DUSP22: variants seen among roughly 807,000 people sequenced by gnomAD.
The protein encoded by DUSP22 is dual specificity protein phosphatase 22.
A neutral mutation model predicts 24.5 loss-of-function variants in DUSP22; 24 were observed. The observed-to-expected ratio is 0.98, with a 90% CI of 0.71 to 1.38. The LOEUF is 1.38. Among genes scored for constraint, DUSP22 ranks in the 40% most tolerant of loss-of-function variants. The pLI, the probability that DUSP22 is intolerant of heterozygous loss-of-function variation, is 0.00. For synonymous variants in DUSP22, 160 were observed against 106.4 expected (o/e 1.50, Z -3.10); for missense variants, 330 against 269.2 (o/e 1.23, Z -1.58).
At position 350,875 on chromosome 6, in the gene DUSP22, T is replaced by A; in HGVS notation, c.*1924T>A. On this transcript the variant is annotated 3_prime_UTR_variant, in exon 7 of 7. Transcript: ENST00000419235. ...CTTTCTCAGAAGACTGTAATGTACC[T>A]GAAGTTTCTGAAATATTGCAAACCC... 1 of 1,614,212 alleles carries A rather than the reference T, an allele frequency of 6.2e-7. No homozygotes were observed. Among genetic ancestry groups the A allele is most frequent in the Non-Finnish European group, 8.5e-7 (1 of 1,179,990 alleles).
intron 3 of DUSP22, 144 bp downstream of exon 3, chr6:312,106 G>A (rs554620571): frequency 2.1e-3 from 1,997 of 930,806 alleles, no homozygotes; most frequent in Admixed American, 2.5e-3. Context: ...TGTTCAGGCC[G>A]TGTTGATGTT....
chr6:323,972 C>T (rs1375625189), intron 3 of DUSP22, among the ~76,000 whole-genome samples: 1 of 152,304 alleles, frequency 6.6e-6, no homozygotes, highest in Admixed American at 6.5e-5. Context: ...TATGGAATGG[C>T]TCCACCCTAT....
At chr6:308,060 G>A (rs1757898789) in intron 2 of DUSP22, among the ~76,000 whole-genome samples, 1 of 151,788 alleles carries the variant, frequency 6.6e-6, no homozygotes, top group Admixed American at 6.5e-5. Flanking sequence ...CTGGCACCGG[G>A]CCAAAGGTCA....
intron 1 of DUSP22, among the ~76,000 whole-genome samples, chr6:295,854 A>G (rs1451017201): frequency 2.0e-5 from 3 of 151,544 alleles, no homozygotes; most frequent in Non-Finnish European, 4.4e-5. Context: ...ATTTTTTTTA[A>G]CACTTTATAA....
rs575945615 is a variant in DUSP22, at chr6:343,547, T to G, written c.189-2307T>G. Among the ~76,000 whole-genome samples, 98 of 152,282 alleles carry G rather than the reference T, an allele frequency of 6.4e-4. No individual in the cohort carries two copies. The South Asian group carries it at 0.016, about 26-fold the overall frequency. The stretch of plus-strand genomic sequence containing the variant: ...TGGGGGCAGTTATCCCTGGGAAAGT[T>G]AACAAAAGCAGATGTGCTAGTTAGA... On this transcript the variant is annotated intron_variant, in intron 4 of 6. Coordinates refer to ENST00000419235, the MANE Select transcript of DUSP22 (RefSeq NM_001286555.3).
At chr6:297,846 C>T (rs554839599) in intron 1 of DUSP22, among the ~76,000 whole-genome samples, 2 of 152,422 alleles carry the variant, frequency 1.3e-5, no homozygotes, top group Admixed American at 1.3e-4. Flanking sequence ...TTTTTTCCAC[C>T]TGGCAGCAGG....
intron 3 of DUSP22, among the ~76,000 whole-genome samples, chr6:320,533 A>G (rs1011786904): frequency 6.6e-6 from 1 of 152,310 alleles, no homozygotes; most frequent in Non-Finnish European, 1.5e-5. Flanking sequence ...TGTAGTGTGC[A>G]TAGACACCAC....
At position 351,085 on chromosome 6, in the gene DUSP22, C is replaced by G; in HGVS notation, c.*2134C>G. ...CTTATCCCCACTGCTGTGGAGGTTTCTGTACCTCGCTTGGATGCCTGTAAG... is the reference window on the plus strand; with the variant it reads ...CTTATCCCCACTGCTGTGGAGGTTTGTGTACCTCGCTTGGATGCCTGTAAG... On this transcript the variant is annotated 3_prime_UTR_variant, in exon 7 of 7. Transcript: ENST00000419235. 1.4e-6 allele frequency: 1 copy of G among 731,590 alleles called. No homozygotes were observed. The highest frequency in any genetic ancestry group is 1.9e-5 in the South Asian group (1 of 51,614). 45.3% of individuals were successfully genotyped at this position (731,590 alleles called of 1,614,324 possible). A position where few individuals can be genotyped will look rare whatever the true frequency, so the allele number is the denominator to read the frequency against.
chr6:320,122 T>G (rs906975401), intron 3 of DUSP22: 2 of 152,638 alleles, frequency 1.3e-5, no homozygotes, highest in Admixed American at 6.5e-5. Context: ...AGTACTTAAC[T>G]GAGTCTAGGG....
At chr6:293,965 G>A (rs187262783) in intron 1 of DUSP22, among the ~76,000 whole-genome samples, 208 of 152,362 alleles carry the variant, frequency 1.4e-3, no homozygotes, top group Non-Finnish European at 2.3e-3. Flanking sequence ...TCATAAGTCT[G>A]TGGGCTCCGT....
chr6:299,537 A>G (rs965666527), intron 1 of DUSP22, among the ~76,000 whole-genome samples: 2 of 152,300 alleles, frequency 1.3e-5, no homozygotes, highest in African/African-American at 4.8e-5. Flanking sequence ...ATGGAAGAGA[A>G]TCATACTGTG....
At chr6:331,823 G>T (rs1415015258) in intron 3 of DUSP22, among the ~76,000 whole-genome samples, 1 of 152,304 alleles carries the variant, frequency 6.6e-6, no homozygotes, top group Non-Finnish European at 1.5e-5. Context: ...GTGGCGAGCA[G>T]CTGAACCTTT....
intron 4 of DUSP22, among the ~76,000 whole-genome samples, chr6:341,350 G>A (rs554693840): frequency 9.2e-5 from 14 of 152,420 alleles, no homozygotes; most frequent in Non-Finnish European, 1.3e-4. Context: ...CTTCAGACTC[G>A]CACTTCTGCT....
At position 350,481 on chromosome 6, in the gene DUSP22, A is replaced by C. The variant is rs1760143954; in HGVS notation, c.*1530A>C. The C allele has an allele frequency of 8.4e-7, 1 of 1,190,482 alleles. No homozygotes were observed. Among genetic ancestry groups the C allele is most frequent in the Non-Finnish European group, 1.0e-6 (1 of 956,814 alleles). 73.7% of individuals were successfully genotyped at this position (1,190,482 alleles called of 1,614,324 possible). On this transcript the variant is annotated 3_prime_UTR_variant, in exon 7 of 7. Transcript: ENST00000419235. ...ACCACAAAAAGAGACCCTGAATAAGAAGAGCAGTTTTCCTGTGCATATAGA... is the reference window on the plus strand; with the variant it reads ...ACCACAAAAAGAGACCCTGAATAAGCAGAGCAGTTTTCCTGTGCATATAGA...
chr6:344,718 CA>C (rs1346209373), intron 4 of DUSP22, among the ~76,000 whole-genome samples: 1 of 152,302 alleles, frequency 6.6e-6, no homozygotes, highest in African/African-American at 2.4e-5. Flanking sequence ...CAGTAAATGG[CA>C]AAGAGGGATT....
At chr6:342,388 T>G (rs993410810) in intron 4 of DUSP22, among the ~76,000 whole-genome samples, 2 of 152,300 alleles carry the variant, frequency 1.3e-5, no homozygotes, top group Non-Finnish European at 2.9e-5. Flanking sequence ...GTGAGCAGCC[T>G]GGGGGACCAA....
intron 3 of DUSP22, 22 bp downstream of exon 3, chr6:311,984 T>C (rs1758128989): frequency 6.2e-7 from 1 of 1,603,324 alleles, no homozygotes; most frequent in Non-Finnish European, 8.5e-7. Context: ...CCGTGGGGCG[T>C]GTGTGGGTGT....
rs909813359 is a variant in DUSP22, at chr6:349,138, C to A, written c.*187C>A. 7.0e-7 allele frequency: 1 copy of A among 1,437,450 alleles called. No homozygotes were observed. The highest frequency in any genetic ancestry group is 9.1e-7 in the Non-Finnish European group (1 of 1,102,000). 89.0% of individuals were successfully genotyped at this position (1,437,450 alleles called of 1,614,324 possible). On this transcript the variant is annotated 3_prime_UTR_variant, in exon 7 of 7. Coordinates refer to ENST00000419235, the MANE Select transcript of DUSP22 (RefSeq NM_001286555.3). ...GGCCCCTGCACTCCGCCCACCCCTACCCTGGCTGCACCTGAGCTTGCTGCC... is the reference window on the plus strand; with the variant it reads ...GGCCCCTGCACTCCGCCCACCCCTAACCTGGCTGCACCTGAGCTTGCTGCC...
chr6:314,746 C>T (rs1758266096), intron 3 of DUSP22, among the ~76,000 whole-genome samples: 1 of 152,310 alleles, frequency 6.6e-6, no homozygotes, highest in Non-Finnish European at 1.5e-5. Flanking sequence ...ATGTGATGTG[C>T]CTCCTACTGA....
Sources: allele counts gnomAD v4.1 joint callset (sites outside exome capture counted in the v4.1 genomes callset), GRCh38; gene constraint gnomAD v4.1.1; transcripts MANE v1.5; gene names NCBI Gene and HGNC (gene_info 2026-07-23, HGNC 2026-07-21).